WIPF1: variants seen among roughly 807,000 people sequenced by gnomAD.
WIPF1 encodes WAS/WASL interacting protein family member 1.
In WIPF1, 13 loss-of-function variants were observed where a neutral mutation model predicts 35.4. The observed-to-expected ratio is 0.37, with a 90% CI of 0.24 to 0.58. The LOEUF (loss-of-function observed/expected upper bound fraction) is 0.58, where lower values mean the gene tolerates loss of function less well. WIPF1 is among the 20% of genes least tolerant of loss of function. The pLI is 0.74. For synonymous variants in WIPF1, 267 were observed against 266.3 expected (o/e 1.00, Z -0.02); for missense variants, 591 against 667.0 (o/e 0.89, Z 1.25).
chr2:174,562,348 C>T lies in WIPF1; in HGVS notation c.*199G>A. The T allele has an allele frequency of 6.7e-7, 1 of 1,482,670 alleles. No individual in the cohort carries two copies. The highest frequency in any genetic ancestry group is 1.4e-5 in the African/African-American group (1 of 70,850). 91.8% of individuals were successfully genotyped at this position (1,482,670 alleles called of 1,614,324 possible). A position where few individuals can be genotyped will look rare whatever the true frequency, so the allele number is the denominator to read the frequency against. On this transcript the variant is annotated 3_prime_UTR_variant, in exon 8 of 8. Coordinates refer to ENST00000679041, the MANE Select transcript of WIPF1 (RefSeq NM_001375834.1). ...GGCTGCAGCTGAAGCAAGCAATAGC[C>T]TGGAGAATAAACACAATATGAAAAG...
At chr2:174,651,387 G>C (rs1287644524) in intron 1 of WIPF1, among the ~76,000 whole-genome samples, 1 of 151,744 alleles carries the variant, frequency 6.6e-6, no homozygotes, top group African/African-American at 2.4e-5. Context: ...CATCATCACC[G>C]AGCAAAGTTG....
upstream of WIPF1, among the ~76,000 whole-genome samples, chr2:174,601,664 C>T (rs910639004): frequency 6.6e-6 from 1 of 152,222 alleles, no homozygotes; most frequent in Non-Finnish European, 1.5e-5. Context: ...TCTGGCCTTC[C>T]GCAGTGAAGC....
intron 1 of WIPF1, among the ~76,000 whole-genome samples, chr2:174,614,828 A>G (rs1167150065): frequency 6.6e-6 from 1 of 152,230 alleles, no homozygotes; most frequent in East Asian, 1.9e-4. Context: ...AGCATTGTTC[A>G]CTGCAATGCT....
At chr2:174,631,470 A>AT in intron 1 of WIPF1, among the ~76,000 whole-genome samples, 1 of 152,332 alleles carries the variant, frequency 6.6e-6, no homozygotes, top group East Asian at 1.9e-4. Flanking sequence ...GGGAAAGGGA[A>AT]TGGGGAGTTG....
chr2:174,597,594 T>C lies in WIPF1; in HGVS notation c.-39+7A>G, dbSNP rs1685860855. ...AATAAACTTAGTTTGAATATAATTT[T>C]TCTTACCGTTAAAGGGTACTGCAGG... On this transcript the variant is annotated splice_region_variant and intron_variant, in intron 1 of 7. Coordinates refer to ENST00000679041, the MANE Select transcript of WIPF1 (RefSeq NM_001375834.1). 1 of 152,640 alleles carries C rather than the reference T, an allele frequency of 6.6e-6. No individual in the cohort carries two copies. The highest frequency in any genetic ancestry group is 2.4e-5 in the African/African-American group (1 of 41,454). The allele number at this position is 152,640 out of a possible 1,614,324, so 9.5% of individuals were successfully genotyped here.
At chr2:174,584,299 A>T (rs1181960782) in intron 2 of WIPF1, among the ~76,000 whole-genome samples, 1 of 152,180 alleles carries the variant, frequency 6.6e-6, no homozygotes, top group African/African-American at 2.4e-5. Context: ...CTTAAAAAGC[A>T]GTTGGAAGGC....
At chr2:174,633,546 T>G (rs1022507565) in intron 1 of WIPF1, among the ~76,000 whole-genome samples, 1 of 152,222 alleles carries the variant, frequency 6.6e-6, no homozygotes, top group Non-Finnish European at 1.5e-5. Context: ...AGTCCAATAA[T>G]GTAGGAACTT....
chr2:174,660,399 T>C (rs1453227264), intron 1 of WIPF1, among the ~76,000 whole-genome samples: 1 of 152,226 alleles, frequency 6.6e-6, no homozygotes, highest in Non-Finnish European at 1.5e-5. Flanking sequence ...AGATACATAG[T>C]AGGTGCTCTA....
chr2:174,677,918 A>G (rs999236669), intron 1 of WIPF1, among the ~76,000 whole-genome samples: 5 of 152,254 alleles, frequency 3.3e-5, no homozygotes, highest in Non-Finnish European at 7.3e-5. Context: ...AGACTGCTCC[A>G]CATTTGAATA....
intron 1 of WIPF1, among the ~76,000 whole-genome samples, chr2:174,678,249 TAGA>T (rs948282916): frequency 2.6e-5 from 4 of 152,314 alleles, no homozygotes; most frequent in South Asian, 2.1e-4. Flanking sequence ...GATGGCTTAT[TAGA>T]AGAAGAAAAA....
chr2:174,631,036 A>C (rs1687003801), intron 1 of WIPF1, among the ~76,000 whole-genome samples: 1 of 152,250 alleles, frequency 6.6e-6, no homozygotes, highest in Admixed American at 6.5e-5. Context: ...TGGGAGGAAG[A>C]GTGGTATAAG....
At chr2:174,569,273 G>A (rs533322483) in intron 5 of WIPF1, among the ~76,000 whole-genome samples, 1 of 152,280 alleles carries the variant, frequency 6.6e-6, no homozygotes, top group South Asian at 2.1e-4. Context: ...TTACAGAGGT[G>A]GGAGGCACTG....
chr2:174,606,720 A>G (rs1208423526), intron 1 of WIPF1, among the ~76,000 whole-genome samples: 1 of 152,230 alleles, frequency 6.6e-6, no homozygotes. Context: ...ATTTGTGGCC[A>G]GTAGAAGAGC....
intron 1 of WIPF1, among the ~76,000 whole-genome samples, chr2:174,589,275 T>A (rs1298642515): frequency 6.6e-6 from 1 of 152,248 alleles, no homozygotes; most frequent in Non-Finnish European, 1.5e-5. Context: ...GTGAAAGAAC[T>A]GTGTATCACA....
In WIPF1 at chr2:174,624,740, G is replaced by A. The variant is rs116134507; in HGVS notation, c.-38-39129C>T. On this transcript the variant is annotated intron_variant, in intron 1 of 8. Coordinates refer to the WIPF1 transcript ENST00000272746. Reference sequence around the variant, plus strand: ...TTATGGGAGAAGTCTTAGGGGTTCTGGGGGTGTGCTCAGGGGGCTGAGGGT... The same window carrying A: ...TTATGGGAGAAGTCTTAGGGGTTCTAGGGGTGTGCTCAGGGGGCTGAGGGT... Among the ~76,000 whole-genome samples, 1,121 of 152,316 alleles carry A rather than the reference G, an allele frequency of 7.4e-3. 16 individuals are homozygous for A. The highest frequency in any genetic ancestry group is 0.026 in the African/African-American group (1,077 of 41,554).
intron 1 of WIPF1, among the ~76,000 whole-genome samples, chr2:174,666,664 A>G (rs1374494254): frequency 1.3e-5 from 2 of 152,220 alleles, no homozygotes; most frequent in Admixed American, 6.5e-5. Flanking sequence ...GACCACTAAG[A>G]AGGAGAGCTG....
At chr2:174,640,792 T>C (rs1439583196) in intron 1 of WIPF1, among the ~76,000 whole-genome samples, 1 of 151,988 alleles carries the variant, frequency 6.6e-6, no homozygotes, top group Non-Finnish European at 1.5e-5. Context: ...TTAAAGAATT[T>C]AAATTTAAAG....
At chr2:174,679,034 T>A (rs1249865315) in intron 1 of WIPF1, among the ~76,000 whole-genome samples, 1 of 152,248 alleles carries the variant, frequency 6.6e-6, no homozygotes, top group Non-Finnish European at 1.5e-5. Context: ...ATAAATGTAA[T>A]GCTAATGCTA....
Position 174,575,335 on chromosome 2 carries a change from C to G in WIPF1, c.227G>C (p.Gly76Ala). The G allele has an allele frequency of 1.2e-6, 2 of 1,613,778 alleles. No homozygotes were observed. The highest frequency in any genetic ancestry group is 8.5e-7 in the Non-Finnish European group (1 of 1,179,872). The change falls in exon 4 of 8, where the codon GGA becomes GCA. Residue 76 changes from glycine (G) to alanine (A), a missense_variant. Coordinates refer to ENST00000679041, the MANE Select transcript of WIPF1 (RefSeq NM_001375834.1). Reference sequence around the variant, plus strand: ...ACCTCCTCCGCCAAATCCGCCGCCTCCACCAAAGCCACCACCACCGCCTCC... The same window carrying G: ...ACCTCCTCCGCCAAATCCGCCGCCTGCACCAAAGCCACCACCACCGCCTCC... Reference protein sequence around the residue: ...GAGGGGGGFGGGGGFGGGGGG... With the variant: ...GAGGGGGGFGAGGGFGGGGGG...
Sources: allele counts gnomAD v4.1 joint callset (sites outside exome capture counted in the v4.1 genomes callset), GRCh38; gene constraint gnomAD v4.1.1; transcripts MANE v1.5; gene names NCBI Gene and HGNC (gene_info 2026-07-23, HGNC 2026-07-21).